SDK1: variants seen among roughly 807,000 people sequenced by gnomAD.
SDK1 encodes the protein protein sidekick-1.
In SDK1, 157 loss-of-function variants were observed where a neutral mutation model predicts 245.5. The observed-to-expected ratio is 0.64, with a 90% CI of 0.56 to 0.73. The LOEUF is 0.73. Among genes scored for constraint, SDK1 ranks in the 30% least tolerant of loss-of-function variants. The pLI, the probability that SDK1 is intolerant of heterozygous loss-of-function variation, is 0.00. For missense variants in SDK1, 3,583 were observed against 3,002.3 expected (o/e 1.19, Z -4.52); for synonymous variants, 1,647 against 1,278.5 (o/e 1.29, Z -6.15).
chr7:4,113,764 G>C (rs937839415), intron 24 of SDK1, among the ~76,000 whole-genome samples: 1 of 152,180 alleles, frequency 6.6e-6, no homozygotes, highest in Non-Finnish European at 1.5e-5. Flanking sequence ...ATTTGTAAGA[G>C]AGCCAGCCTG....
intron 5 of SDK1, among the ~76,000 whole-genome samples, chr7:3,822,352 T>C (rs1482248819): frequency 6.6e-6 from 1 of 152,334 alleles, no homozygotes; most frequent in Non-Finnish European, 1.5e-5. Context: ...TCATGGCGGA[T>C]GGTAAATTTC....
At chr7:3,805,995 TTCC>T (rs1779233401) in intron 4 of SDK1, among the ~76,000 whole-genome samples, 1 of 152,122 alleles carries the variant, frequency 6.6e-6, no homozygotes, top group East Asian at 1.9e-4. Flanking sequence ...TTTCAAGGTG[TTCC>T]TCCTCCTATA....
intron 1 of SDK1, among the ~76,000 whole-genome samples, chr7:3,348,345 C>A (rs1483651501): frequency 6.6e-6 from 1 of 152,114 alleles, no homozygotes; most frequent in Non-Finnish European, 1.5e-5. Flanking sequence ...TAAATGTGAG[C>A]CATTCATATA....
At chr7:3,761,434 G>C (rs1393641068) in intron 4 of SDK1, among the ~76,000 whole-genome samples, 1 of 151,384 alleles carries the variant, frequency 6.6e-6, no homozygotes, top group African/African-American at 2.4e-5. Flanking sequence ...GGCACCTGTA[G>C]TCCCAGTTAC....
At chr7:3,614,844 C>A (rs1781718305) in intron 1 of SDK1, among the ~76,000 whole-genome samples, 1 of 143,966 alleles carries the variant, frequency 6.9e-6, no homozygotes, top group African/African-American at 2.4e-5. Context: ...TCTGTGCTAA[C>A]CATAATTTTA....
intron 32 of SDK1, among the ~76,000 whole-genome samples, chr7:4,169,437 C>T (rs528737118): frequency 6.6e-6 from 1 of 152,196 alleles, no homozygotes; most frequent in Non-Finnish European, 1.5e-5. Context: ...GCACTGTGCC[C>T]GCCTTGCAGA....
intron 14 of SDK1, among the ~76,000 whole-genome samples, chr7:4,006,066 CAAAAA>C (rs1460764373): frequency 6.6e-6 from 1 of 152,038 alleles, no homozygotes; most frequent in Non-Finnish European, 1.5e-5. Flanking sequence ...GACCCTGTCT[CAAAAA>C]AGAAAAGAAA....
chr7:3,310,295 G>A (rs746307174), intron 1 of SDK1, among the ~76,000 whole-genome samples: 4 of 152,202 alleles, frequency 2.6e-5, no homozygotes, highest in Non-Finnish European at 4.4e-5. Flanking sequence ...GTCATCTTGA[G>A]TGGGGGGAAT....
intron 19 of SDK1, among the ~76,000 whole-genome samples, chr7:4,054,332 GC>G (rs1391328687): frequency 6.6e-6 from 1 of 152,196 alleles, no homozygotes; most frequent in Non-Finnish European, 1.5e-5. Flanking sequence ...CCCAGTTTCT[GC>G]CAAGCTGACA....
intron 39 of SDK1, 92 bp downstream of exon 39, chr7:4,220,362 C>G: frequency 7.3e-7 from 1 of 1,374,170 alleles, no homozygotes; most frequent in East Asian, 2.3e-5. Context: ...ACATGGTCAA[C>G]AAGGTGATGT....
At chr7:4,118,952 G>A (rs1783894955) in intron 25 of SDK1, among the ~76,000 whole-genome samples, 1 of 148,538 alleles carries the variant, frequency 6.7e-6, no homozygotes, top group African/African-American at 2.5e-5. Context: ...GGAAGTGATG[G>A]GTGATGGAAA....
intron 2 of SDK1, among the ~76,000 whole-genome samples, chr7:3,638,428 T>A (rs995799003): frequency 4.0e-5 from 6 of 151,754 alleles, no homozygotes; most frequent in Admixed American, 6.6e-5. Context: ...ATGTGGCACA[T>A]ATACACCATG....
At chr7:4,194,312 A>G (rs966987692) in intron 35 of SDK1, among the ~76,000 whole-genome samples, 2 of 97,864 alleles carry the variant, frequency 2.0e-5, no homozygotes, top group Non-Finnish European at 4.5e-5. Context: ...ATACATGTAT[A>G]CATATATGTA....
intron 1 of SDK1, among the ~76,000 whole-genome samples, chr7:3,392,080 G>T (rs1004925846): frequency 8.6e-5 from 13 of 151,730 alleles, no homozygotes; most frequent in African/African-American, 3.2e-4. Context: ...ATGATAGAAA[G>T]TATTAGTATT....
At chr7:3,690,710 C>T (rs1281853441) in intron 4 of SDK1, among the ~76,000 whole-genome samples, 2 of 152,122 alleles carry the variant, frequency 1.3e-5, no homozygotes, top group Non-Finnish European at 2.9e-5. Context: ...ATCTTAACCC[C>T]CGTAACATTA....
In SDK1 at chr7:4,267,282, C is replaced by G. The variant is rs1583212197; in HGVS notation, c.*1898C>G. The G allele has an allele frequency of 1.7e-6, 1 of 586,896 alleles. No individual in the cohort carries two copies. Among genetic ancestry groups the G allele is most frequent in the Non-Finnish European group, 2.1e-6 (1 of 470,028 alleles). 36.4% of individuals were successfully genotyped at this position (586,896 alleles called of 1,614,324 possible). A position where few individuals can be genotyped will look rare whatever the true frequency, so the allele number is the denominator to read the frequency against. On this transcript the variant is annotated 3_prime_UTR_variant, in exon 45 of 45. Coordinates refer to ENST00000404826, the MANE Select transcript of SDK1 (RefSeq NM_152744.4). ...CCTCCTTCCCTCCCTTCCTTCCTCTCTTTCCTCCTTCCTTCCCTCCCTTCT... is the reference window on the plus strand; with the variant it reads ...CCTCCTTCCCTCCCTTCCTTCCTCTGTTTCCTCCTTCCTTCCCTCCCTTCT...
chr7:4,206,384 G>C (rs2128227296), intron 36 of SDK1, among the ~76,000 whole-genome samples: 1 of 152,284 alleles, frequency 6.6e-6, no homozygotes. Flanking sequence ...AAGAGACCAG[G>C]CTCCCCATCC....
intron 4 of SDK1, among the ~76,000 whole-genome samples, chr7:3,805,252 C>G (rs963973926): frequency 6.6e-6 from 1 of 152,058 alleles, no homozygotes; most frequent in Non-Finnish European, 1.5e-5. Flanking sequence ...TTATTTATTA[C>G]TTCAGTGAGT....
At chr7:3,728,613 T>A (rs1022971440) in intron 4 of SDK1, among the ~76,000 whole-genome samples, 2 of 152,166 alleles carry the variant, frequency 1.3e-5, no homozygotes, top group African/African-American at 4.8e-5. Flanking sequence ...CCAGTGGCTG[T>A]TTCTTTTTTT....
Sources: allele counts gnomAD v4.1 joint callset (sites outside exome capture counted in the v4.1 genomes callset), GRCh38; gene constraint gnomAD v4.1.1; transcripts MANE v1.5; gene names NCBI Gene and HGNC (gene_info 2026-07-23, HGNC 2026-07-21).